Variants in FGF14 observed in about 807,000 individuals in gnomAD.
The protein encoded by FGF14 is fibroblast growth factor homologous factor 4.
FGF14 carries 5 observed loss-of-function variants against 25.5 expected under a neutral mutation model. The observed-to-expected ratio is 0.20, with a 90% CI of 0.10 to 0.41. FGF14 has a LOEUF of 0.41. Among genes scored for constraint, FGF14 ranks in the 10% least tolerant of loss-of-function variants. The probability of loss-of-function intolerance (pLI) is 1.00; values close to 1 mark genes in which losing one functional copy is unlikely to be tolerated. For synonymous variants in FGF14, 138 were observed against 118.3 expected (o/e 1.17, Z -1.08); for missense variants, 222 against 320.1 (o/e 0.69, Z 2.34).
intron 3 of FGF14, among the ~76,000 whole-genome samples, chr13:101,831,573 A>T (rs541021955): frequency 6.6e-6 from 1 of 152,252 alleles, no homozygotes; most frequent in Admixed American, 6.5e-5. Context: ...ATCCTAGACC[A>T]TTGGAAAGTG....
At chr13:102,094,403 AGCAGCAGATGATT>A (rs1427565638) in intron 1 of FGF14, among the ~76,000 whole-genome samples, 6 of 152,224 alleles carry the variant, frequency 3.9e-5, no homozygotes, top group African/African-American at 1.4e-4. Context: ...CCAAACAAGA[AGCAGCAGATGATT>A]TCCCAGACAC....
At chr13:102,287,494 TCTC>T (rs1354200221) in intron 1 of FGF14, among the ~76,000 whole-genome samples, 1 of 152,228 alleles carries the variant, frequency 6.6e-6, no homozygotes, top group Admixed American at 6.5e-5. Flanking sequence ...CTTTTTTTCT[TCTC>T]CTCTGCAAAA....
chr13:101,790,851 G>A lies in FGF14; in HGVS notation c.409-64041C>T, dbSNP rs181112109. Among the ~76,000 whole-genome samples the A allele has an allele frequency of 2.5e-3, 378 of 152,216 alleles. 1 individual carries two copies. The highest frequency in any genetic ancestry group is 0.014 in the Middle Eastern group (4 of 294). On this transcript the variant is annotated intron_variant, in intron 3 of 4. Coordinates refer to ENST00000376143, the MANE Select transcript of FGF14 (RefSeq NM_004115.4). Reference sequence around the variant, plus strand: ...AAGAAGTAGAAAAGAGTAATTAGCCGTAAATCTGCAGAACCTTGCAATTCA... The same window carrying A: ...AAGAAGTAGAAAAGAGTAATTAGCCATAAATCTGCAGAACCTTGCAATTCA...
At chr13:101,757,200 A>G (rs963934364) in intron 3 of FGF14, among the ~76,000 whole-genome samples, 6 of 152,188 alleles carry the variant, frequency 3.9e-5, no homozygotes, top group African/African-American at 1.2e-4. Context: ...CTCCTTTGGT[A>G]TCTAGAGAAT....
chr13:101,785,109 C>T (rs2039730078), intron 3 of FGF14, among the ~76,000 whole-genome samples: 2 of 152,228 alleles, frequency 1.3e-5, no homozygotes, highest in South Asian at 2.1e-4. Flanking sequence ...GCAGTCATTA[C>T]ATCTGCCACA....
intron 1 of FGF14, among the ~76,000 whole-genome samples, chr13:102,302,642 A>C (rs2055130804): frequency 6.6e-6 from 1 of 152,072 alleles, no homozygotes; most frequent in East Asian, 1.9e-4. Context: ...TTTGCTCCCA[A>C]CTGCCAGATA....
At chr13:102,345,590 T>C (rs2057082012) in intron 1 of FGF14, among the ~76,000 whole-genome samples, 2 of 152,262 alleles carry the variant, frequency 1.3e-5, no homozygotes, top group African/African-American at 4.8e-5. Flanking sequence ...TATAGATCTG[T>C]TGCCGTGGGT....
rs543780117 is a variant in FGF14 at position 101,770,175 on chromosome 13, A to G, written c.409-43365T>C. ...TTATATCAAGATTTTATTCCTGTGG[A>G]TTTTCCTGCATTCACAACGGAAGAA... On this transcript the variant is annotated intron_variant, in intron 3 of 4. Transcript: ENST00000376143. Among the ~76,000 whole-genome samples the G allele has an allele frequency of 7.9e-5, 12 of 152,102 alleles. No homozygotes were observed. The South Asian group carries it at 2.3e-3, about 29-fold the overall frequency.
In FGF14 at chr13:102,041,502, T is replaced by G. The variant is rs1006975639; in HGVS notation, c.209-166206A>C. On this transcript the variant is annotated intron_variant, in intron 1 of 4. Transcript: ENST00000376131. ...TCAACAAAAATAGTATGACCTTCTT[T>G]TGATTTAATGGTAAGTGAATTCCTT... Among the ~76,000 whole-genome samples the G allele has an allele frequency of 2.0e-5, 3 of 148,456 alleles. No individual in the cohort carries two copies. In the Admixed American group the frequency reaches 2.1e-4, roughly 10 times the overall value.
intron 3 of FGF14, among the ~76,000 whole-genome samples, chr13:101,818,482 G>A (rs2041950067): frequency 6.6e-6 from 1 of 152,126 alleles, no homozygotes; most frequent in Admixed American, 6.5e-5. Flanking sequence ...TGAAAAATAG[G>A]TATATATGTG....
At chr13:101,770,487 G>T (rs116726056) in intron 3 of FGF14, among the ~76,000 whole-genome samples, 103 of 152,118 alleles carry the variant, frequency 6.8e-4, no homozygotes, top group African/African-American at 2.4e-3. Flanking sequence ...CACTAAAAAA[G>T]AATAGCCTGA....
rs766290923 is a variant in FGF14 at position 101,715,891 on chromosome 13, G to A, written c.*6940C>T. ...ATAATTAACATAAGTGGTTCCTAAC[G>A]AGAGCAATTTTTCCACCCAAAAGTC... On this transcript the variant is annotated 3_prime_UTR_variant, in exon 5 of 5. Coordinates refer to ENST00000376143, the MANE Select transcript of FGF14 (RefSeq NM_004115.4). 7.4e-5 allele frequency: 31 copies of A among 416,712 alleles called. No individual in the cohort carries two copies. Among genetic ancestry groups the A allele is most frequent in the Non-Finnish European group, 1.1e-4 (24 of 228,054 alleles). 25.8% of individuals were successfully genotyped at this position (416,712 alleles called of 1,614,324 possible).
At chr13:102,223,867 C>G (rs1198765723) in intron 1 of FGF14, among the ~76,000 whole-genome samples, 2 of 152,030 alleles carry the variant, frequency 1.3e-5, no homozygotes, top group Non-Finnish European at 2.9e-5. Context: ...TGTCTCAAAA[C>G]AAAACATCCT....
chr13:102,046,245 C>G (rs2041977691), intron 1 of FGF14, among the ~76,000 whole-genome samples: 1 of 152,030 alleles, frequency 6.6e-6, no homozygotes, highest in Non-Finnish European at 1.5e-5. Context: ...AACATGAAAA[C>G]CATATATCAA....
At chr13:101,907,098 A>G (rs1343499052) in intron 1 of FGF14, among the ~76,000 whole-genome samples, 2 of 152,162 alleles carry the variant, frequency 1.3e-5, no homozygotes, top group Non-Finnish European at 2.9e-5. Context: ...CTTAATCACA[A>G]ATCTATTATA....
intron 1 of FGF14, among the ~76,000 whole-genome samples, chr13:102,341,554 C>T (rs2056952307): frequency 6.6e-6 from 1 of 152,136 alleles, no homozygotes; most frequent in African/African-American, 2.4e-5. Context: ...AACCTACCTA[C>T]CATCCCTATT....
chr13:101,911,743 T>C (rs2032957608), intron 1 of FGF14, among the ~76,000 whole-genome samples: 1 of 152,094 alleles, frequency 6.6e-6, no homozygotes, highest in South Asian at 2.1e-4. Flanking sequence ...CATAATTTGA[T>C]CTAACCTTAA....
At chr13:102,027,969 A>G (rs922184545) in intron 1 of FGF14, among the ~76,000 whole-genome samples, 17 of 151,854 alleles carry the variant, frequency 1.1e-4, no homozygotes, top group African/African-American at 4.1e-4. Context: ...ATTATTCATC[A>G]CCCTTTATTG....
chr13:101,950,751 G>GTTTTTTTTTTTTTTT (rs61285721), intron 1 of FGF14, among the ~76,000 whole-genome samples: 3 of 131,970 alleles, frequency 2.3e-5, no homozygotes, highest in Non-Finnish European at 1.6e-5. Context: ...ACCTAATCAT[G>GTTTTTTTTTTTTTTT]TTTTTTTTTT....
Sources: gnomAD v4.1 joint callset for allele counts (sites outside exome capture counted in the v4.1 genomes callset) on GRCh38, gnomAD v4.1.1 for gene constraint, MANE v1.5 for transcripts, NCBI Gene and HGNC (gene_info 2026-07-23, HGNC 2026-07-21) for gene names.